Variants in SCP2 observed in about 807,000 individuals in gnomAD.
SCP2 encodes sterol carrier protein 2, also known as SCP-2/3-oxoacyl-CoA thiolase.
A neutral mutation model predicts 71.4 loss-of-function variants in SCP2; 48 were observed. That is an observed-to-expected ratio of 0.67 (90% CI 0.53 to 0.86). The LOEUF is 0.86. Among genes scored for constraint, SCP2 ranks in the 40% least tolerant of loss-of-function variants. The probability of loss-of-function intolerance (pLI) is 0.00; values close to 1 mark genes in which losing one functional copy is unlikely to be tolerated. For missense variants in SCP2, 560 were observed against 655.6 expected, an observed-to-expected ratio of 0.85 and a Z score of 1.59; for synonymous variants, 220 against 218.1, an observed-to-expected ratio of 1.01 and a Z score of -0.08.
chr1:52,975,014 G>T (rs1272178615), intron 7 of SCP2, among the ~76,000 whole-genome samples, 182 bp downstream of exon 7: 1 of 151,908 alleles, frequency 6.6e-6, no homozygotes, highest in Non-Finnish European at 1.5e-5. Flanking sequence ...CCAGTTTTTG[G>T]CCACTTTATA....
chr1:53,011,214 A>G (rs1660970270), intron 11 of SCP2, among the ~76,000 whole-genome samples: 1 of 152,186 alleles, frequency 6.6e-6, no homozygotes, highest in Non-Finnish European at 1.5e-5. Flanking sequence ...TAAATGTCTA[A>G]TTTGAAACTA....
intron 15 of SCP2, chr1:53,049,709 G>A (rs1664076508): frequency 6.6e-6 from 1 of 152,056 alleles, no homozygotes; most frequent in Non-Finnish European, 1.5e-5. Context: ...AGAAGGCTTT[G>A]TGCCATATAG....
At chr1:52,957,863 G>T (rs748387786) in intron 5 of SCP2, among the ~76,000 whole-genome samples, 69 of 152,268 alleles carry the variant, frequency 4.5e-4, no homozygotes, top group Middle Eastern at 3.4e-3. Flanking sequence ...TCATGTGGAT[G>T]TCCAGTTGTC....
intron 13 of SCP2, among the ~76,000 whole-genome samples, chr1:53,032,661 G>A (rs1219122085): frequency 6.6e-6 from 1 of 152,236 alleles, no homozygotes; most frequent in East Asian, 1.9e-4. Flanking sequence ...GAAGACTCTA[G>A]GATAATATGT....
At chr1:53,030,928 A>G (rs1477202577) in intron 13 of SCP2, among the ~76,000 whole-genome samples, 2 of 150,932 alleles carry the variant, frequency 1.3e-5, no homozygotes, top group Non-Finnish European at 1.5e-5. Context: ...AAAAAAAAAA[A>G]AGGCTTTGCC....
intron 12 of SCP2, among the ~76,000 whole-genome samples, chr1:53,020,840 T>C (rs6686963): frequency 0.14 from 20,854 of 152,128 alleles, 2,039 homozygotes; most frequent in East Asian, 0.32. Flanking sequence ...TCTGAGGTCA[T>C]GGGGAGTAGC....
At chr1:53,016,140 A>G (rs560260723) in intron 12 of SCP2, among the ~76,000 whole-genome samples, 260 of 152,158 alleles carry the variant, frequency 1.7e-3, no homozygotes, top group Non-Finnish European at 3.0e-3. Flanking sequence ...TATTGAGTCT[A>G]TGTTATTCTT....
At chr1:52,995,745 C>G in intron 11 of SCP2, 1 of 773,312 alleles carries the variant, frequency 1.3e-6, no homozygotes, top group Non-Finnish European at 2.4e-6. Context: ...ATCAAGACAG[C>G]TGTCTGTGAC....
At position 52,927,299 on chromosome 1, in the gene SCP2, GC is replaced by G; in HGVS notation, c.-95del. ...TCACGCGCCTGTGTTGCCGCCCGCG[GC>G]CCTGGCTTCGGGCTTCAGGGAGCTC... On this transcript the variant is annotated 5_prime_UTR_variant, in exon 1 of 16. Transcript: ENST00000371514. The G allele has an allele frequency of 9.2e-7, 1 of 1,084,570 alleles. No homozygotes were observed. The highest frequency in any genetic ancestry group is 1.6e-5 in the African/African-American group (1 of 64,158). 67.2% of individuals were successfully genotyped at this position (1,084,570 alleles called of 1,614,324 possible).
At chr1:52,978,653 C>T (rs1403887026) in intron 9 of SCP2, among the ~76,000 whole-genome samples, 1 of 152,178 alleles carries the variant, frequency 6.6e-6, no homozygotes, top group Non-Finnish European at 1.5e-5. Flanking sequence ...GCTTCCACAT[C>T]CCAGGCTCAA....
At chr1:52,963,758 G>A (rs1572098785) in intron 6 of SCP2, 2 of 152,196 alleles carry the variant, frequency 1.3e-5, no homozygotes, top group East Asian at 3.8e-4. Context: ...GGAACCTGAA[G>A]CTTGGAGAAT....
chr1:52,961,582 C>T lies in SCP2; in HGVS notation c.476C>T (p.Ala159Val). 1 of 1,613,758 alleles carries T rather than the reference C, an allele frequency of 6.2e-7. No homozygotes were observed. The highest frequency in any genetic ancestry group is 8.5e-7 in the Non-Finnish European group (1 of 1,179,752). ...NKYGLSAHPV[A>V]PQMFGYAGKE... ...TATGGATTGTCTGCTCACCCAGTTG[C>T]TCCTCAGATGTTTGGGTATGCTGGA... is the stretch of plus-strand genomic sequence containing the variant. Residue 159 changes from alanine to valine, a missense_variant, in exon 6 of 16, where the codon GCT becomes GTT. By Grantham distance (64) the Ala-to-Val change is moderately conservative. Transcript: ENST00000371514.
intron 13 of SCP2, among the ~76,000 whole-genome samples, chr1:53,034,843 C>T (rs573150863): frequency 4.9e-4 from 74 of 152,212 alleles, no homozygotes; most frequent in Middle Eastern, 3.4e-3. Context: ...CGGTGGCTCA[C>T]GCCTGTAATC....
chr1:53,012,221 A>T (rs1268002364), intron 11 of SCP2, among the ~76,000 whole-genome samples: 2 of 152,248 alleles, frequency 1.3e-5, no homozygotes, highest in Non-Finnish European at 2.9e-5. Flanking sequence ...CCCAGAAGGA[A>T]GGAATGCGTG....
At chr1:53,041,481 T>A (rs1663429874) in intron 14 of SCP2, among the ~76,000 whole-genome samples, 1 of 152,090 alleles carries the variant, frequency 6.6e-6, no homozygotes, top group African/African-American at 2.4e-5. Context: ...CTTTTAAATA[T>A]ACATTAGAGC....
rs1657976409 is a variant in SCP2, at chr1:52,976,443, G to A, written c.588-240G>A. ...CTTCTATCATTCAGGAAATTCCAAGGGCTTTGGAAGCTCCAAGCCAGGAAC... is the reference window on the plus strand; with the variant it reads ...CTTCTATCATTCAGGAAATTCCAAGAGCTTTGGAAGCTCCAAGCCAGGAAC... On this transcript the variant is annotated intron_variant, in intron 7 of 15. Transcript: ENST00000371514. Among the ~76,000 whole-genome samples, 5 of 152,032 alleles carry A rather than the reference G, an allele frequency of 3.3e-5. No individual in the cohort carries two copies. The South Asian group carries it at 1.0e-3, about 32-fold the overall frequency.
At chr1:52,957,590 AT>A (rs753959492) in intron 5 of SCP2, among the ~76,000 whole-genome samples, 8 of 152,258 alleles carry the variant, frequency 5.3e-5, no homozygotes, top group Non-Finnish European at 1.2e-4. Context: ...ACCTTTCCTG[AT>A]TAGAACATAT....
intron 10 of SCP2, among the ~76,000 whole-genome samples, chr1:52,983,311 T>G (rs1258138320): frequency 6.6e-6 from 1 of 152,188 alleles, no homozygotes; most frequent in Admixed American, 6.5e-5. Flanking sequence ...TTTTAATTTA[T>G]TCTCTGTTGT....
intron 13 of SCP2, 111 bp from the exon 14 acceptor site, chr1:53,038,806 C>A: frequency 7.3e-7 from 1 of 1,361,046 alleles, no homozygotes; most frequent in Non-Finnish European, 1.0e-6. Context: ...CCTTGGGGAC[C>A]GCTCCCTGGC....
Sources: allele counts gnomAD v4.1 joint callset (sites outside exome capture counted in the v4.1 genomes callset), GRCh38; gene constraint gnomAD v4.1.1; transcripts MANE v1.5; gene names NCBI Gene and HGNC (gene_info 2026-07-23, HGNC 2026-07-21).